Variants in NCAPD3 observed in about 807,000 individuals in gnomAD.
The protein encoded by NCAPD3 is condensin-2 complex subunit D3.
NCAPD3 carries 105 observed loss-of-function variants against 182.9 expected under a neutral mutation model. That is an observed-to-expected ratio of 0.57 (90% CI 0.49 to 0.68). NCAPD3 has a LOEUF of 0.68. Ranked by LOEUF, NCAPD3 falls within the 30% of genes least tolerant of loss-of-function variation. The pLI is 0.00. For missense variants in NCAPD3, 1,944 were observed against 1,837.0 expected, an observed-to-expected ratio of 1.06 and a Z score of -1.07; for synonymous variants, 815 against 679.9, an observed-to-expected ratio of 1.20 and a Z score of -3.09.
chr11:134,155,095 G>A (rs939567499), intron 32 of NCAPD3, among the ~76,000 whole-genome samples: 18 of 152,200 alleles, frequency 1.2e-4, no homozygotes, highest in South Asian at 4.1e-4. Context: ...ATCGAAGGCA[G>A]CAGCGTCTGT....
In NCAPD3 at chr11:134,150,672, T is replaced by C. The variant is rs1464916429; in HGVS notation, c.*2272A>G. On this transcript the variant is annotated 3_prime_UTR_variant, in exon 35 of 35. Transcript: ENST00000534548. ...TTTTTTAAGTTTGTTTAATTATTTG[T>C]TAAGATTGTCTAAGGCCAAAGGCAA... is the stretch of plus-strand genomic sequence containing the variant. 1 of 152,116 alleles carries C rather than the reference T, an allele frequency of 6.6e-6. No individual in the cohort carries two copies. Among genetic ancestry groups the C allele is most frequent in the Non-Finnish European group, 1.5e-5 (1 of 68,010 alleles). The allele number at this position is 152,116 out of a possible 1,614,324, so 9.4% of individuals were successfully genotyped here.
At position 134,178,860 on chromosome 11, in the gene NCAPD3, A is replaced by G; in HGVS notation, c.2636T>C (p.Ile879Thr). ...AGCAGACGAAGCCAGGACGGACTGA[A>G]TCAGAAGGAAGATGCGCTTCTCCAC... ...ARVEKRIFLLIQSVLASSADA... is the reference protein window; with the variant it reads ...ARVEKRIFLLTQSVLASSADA... Residue 879 changes from isoleucine (I) to threonine (T), a missense_variant, in exon 21 of 35, where the codon ATT becomes ACT. By Grantham distance (89) the Ile-to-Thr change is moderately conservative (BLOSUM62 -1). This residue lies in a region of NCAPD3 where 1,803 missense variants were observed against 1,674.6 expected (regional missense o/e 1.08). Transcript: ENST00000534548. The G allele has an allele frequency of 6.2e-7, 1 of 1,614,196 alleles. No homozygotes were observed. Among genetic ancestry groups the G allele is most frequent in the South Asian group, 1.1e-5 (1 of 91,064 alleles).
intron 25 of NCAPD3, 111 bp downstream of exon 25, chr11:134,168,806 G>A: frequency 1.4e-6 from 2 of 1,440,102 alleles, no homozygotes; most frequent in South Asian, 2.7e-5. Context: ...CCACAGTAAA[G>A]ACCTGGGGCA....
chr11:134,193,261 T>C (rs560699851), intron 15 of NCAPD3, among the ~76,000 whole-genome samples: 4 of 152,308 alleles, frequency 2.6e-5, no homozygotes, highest in South Asian at 2.1e-4. Context: ...CCTTCTATTA[T>C]GAAATAAAGA....
At chr11:134,165,586 C>A (rs139966894) in intron 27 of NCAPD3, among the ~76,000 whole-genome samples, 1 of 146,488 alleles carries the variant, frequency 6.8e-6, no homozygotes, top group Admixed American at 6.8e-5. Context: ...GGGAGGGGCA[C>A]ACTAGTGAGA....
intron 20 of NCAPD3, among the ~76,000 whole-genome samples, chr11:134,180,866 C>A (rs1944280734): frequency 6.6e-6 from 1 of 151,980 alleles, no homozygotes; most frequent in South Asian, 2.1e-4. Flanking sequence ...GAAGCGTATA[C>A]CATTGAGTTT....
In NCAPD3 at chr11:134,210,181, G is replaced by A. The variant is rs556751182; in HGVS notation, c.567+89C>T. On this transcript the variant is annotated intron_variant, in intron 4 of 34. Transcript: ENST00000534548. ...AGGACCATTTGCCTATAATCATGAT[G>A]CCTGAAACCATGTTTAGTATAAAGT... The A allele has an allele frequency of 1.3e-4, 152 of 1,151,960 alleles. 2 individuals are homozygous for A. In the African/African-American group the frequency reaches 1.9e-3, roughly 14 times the overall value. The allele number at this position is 1,151,960 out of a possible 1,614,324, so 71.4% of individuals were successfully genotyped here.
chr11:134,206,637 T>C lies in NCAPD3; in HGVS notation c.978A>G (p.Gln326=), dbSNP rs1424917964. 2.5e-6 allele frequency: 4 copies of C among 1,613,484 alleles called. No individual in the cohort carries two copies. Among genetic ancestry groups the C allele is most frequent in the Admixed American group, 3.3e-5 (2 of 59,860 alleles). ...SHRAPLAVTS[Q]VINCRNQAVQ... ...CCGCCTGGTTTCTACAGTTGATGAC[T>C]TGGGAGGTAACAGCAAGGGGGGCAC... is the stretch of plus-strand genomic sequence containing the variant. The change falls in exon 8 of 35, where the codon CAA becomes CAG. Residue 326 remains glutamine (Q), a synonymous_variant. Coordinates refer to ENST00000534548, the MANE Select transcript of NCAPD3 (RefSeq NM_015261.3).
intron 27 of NCAPD3, among the ~76,000 whole-genome samples, chr11:134,163,979 A>T (rs529561425): frequency 6.6e-6 from 1 of 152,222 alleles, no homozygotes; most frequent in South Asian, 2.1e-4. Flanking sequence ...TGGTAAGGAA[A>T]CCATGGAAAT....
chr11:134,188,250 G>A (rs975132575), intron 16 of NCAPD3, among the ~76,000 whole-genome samples: 4 of 151,020 alleles, frequency 2.6e-5, no homozygotes, highest in African/African-American at 9.9e-5. Context: ...CTAGCTAAAG[G>A]ATTGTAAATG....
intron 1 of NCAPD3, among the ~76,000 whole-genome samples, chr11:134,222,126 T>C (rs1055834560): frequency 1.3e-5 from 2 of 152,236 alleles, no homozygotes; most frequent in African/African-American, 2.4e-5. Flanking sequence ...GTGTTGATTG[T>C]TGAGTGAGAG....
intron 20 of NCAPD3, 66 bp from the exon 21 acceptor site, chr11:134,179,002 G>A: frequency 9.3e-7 from 1 of 1,072,728 alleles, no homozygotes; most frequent in Non-Finnish European, 1.4e-6. Flanking sequence ...GCTAGATTAA[G>A]GACATGTCAA....
chr11:134,156,240 G>A (rs1200108404), intron 32 of NCAPD3, among the ~76,000 whole-genome samples: 1 of 152,154 alleles, frequency 6.6e-6, no homozygotes, highest in Non-Finnish European at 1.5e-5. Flanking sequence ...TGTGGTCTGT[G>A]GAAACAGTGA....
chr11:134,158,975 TCATC>T (rs1373983669), intron 29 of NCAPD3, among the ~76,000 whole-genome samples: 1 of 152,238 alleles, frequency 6.6e-6, no homozygotes, highest in Non-Finnish European at 1.5e-5. Context: ...TCTTCCAAGT[TCATC>T]CATGTTGCAA....
At chr11:134,223,344 T>C (rs1233851760) in intron 1 of NCAPD3, 5 of 688,300 alleles carry the variant, frequency 7.3e-6, no homozygotes, top group Non-Finnish European at 1.1e-5. Context: ...AGGACAGTGG[T>C]AGTGGGCATG....
chr11:134,153,662 C>G (rs1296916546), intron 32 of NCAPD3: 1 of 457,862 alleles, frequency 2.2e-6, no homozygotes, highest in African/African-American at 2.0e-5. Flanking sequence ...TGCCCCTGTC[C>G]CGGTGACCGC....
chr11:134,182,667 T>G (rs1247482038), intron 19 of NCAPD3, among the ~76,000 whole-genome samples: 1 of 152,258 alleles, frequency 6.6e-6, no homozygotes, highest in Non-Finnish European at 1.5e-5. Context: ...CTATTTCTAC[T>G]GATACAAGAT....
At chr11:134,165,449 G>A (rs1212085988) in intron 27 of NCAPD3, among the ~76,000 whole-genome samples, 7 of 150,280 alleles carry the variant, frequency 4.7e-5, no homozygotes, top group African/African-American at 1.7e-4. Context: ...TGAGCTTAGG[G>A]GAGTGGCACA....
chr11:134,205,118 CAT>C (rs1199741199), intron 8 of NCAPD3, 147 bp from the exon 9 acceptor site: 3 of 561,698 alleles, frequency 5.3e-6, no homozygotes, highest in Non-Finnish European at 9.3e-6. Context: ...AGAGTGAAGA[CAT>C]AAAATGTCAT....
Sources: gnomAD v4.1 joint callset for allele counts (sites outside exome capture counted in the v4.1 genomes callset) on GRCh38, gnomAD v4.1.1 for gene constraint, gnomAD v4.1.1 regional missense constraint, MANE v1.5 for transcripts, NCBI Gene and HGNC (gene_info 2026-07-23, HGNC 2026-07-21) for gene names.